Variants in LRRC69 observed in about 807,000 individuals in gnomAD.
The protein encoded by LRRC69 is leucine-rich repeat-containing protein 69.
A neutral mutation model predicts 37.8 loss-of-function variants in LRRC69; 42 were observed. The ratio of observed to expected loss-of-function variants is 1.11; its 90% CI spans 0.87 to 1.44. LRRC69 has a LOEUF of 1.44. Among genes scored for constraint, LRRC69 ranks in the 40% most tolerant of loss-of-function variants. The pLI, the probability that LRRC69 is intolerant of heterozygous loss-of-function variation, is 0.00. For synonymous variants in LRRC69, 141 were observed against 143.1 expected (o/e 0.99, Z 0.11); for missense variants, 357 against 401.9 (o/e 0.89, Z 0.96).
rs190578911 is a variant in LRRC69, at chr8:91,149,808, G to T, written c.651+14069G>T. On this transcript the variant is annotated intron_variant, in intron 5 of 7. Transcript: ENST00000448384. ...CTTGAAGAGGTCCTTCACGTCCCTT[G>T]TAAGTTGGATTCCTAGGTATTTTAT... Among the ~76,000 whole-genome samples the T allele has an allele frequency of 6.2e-4, 95 of 152,064 alleles. 1 individual carries two copies. The East Asian group carries it at 0.014, about 22-fold the overall frequency.
At chr8:91,137,218 C>T (rs1207453092) in intron 5 of LRRC69, among the ~76,000 whole-genome samples, 1 of 151,820 alleles carries the variant, frequency 6.6e-6, no homozygotes, top group Non-Finnish European at 1.5e-5. Context: ...GTTTTATTTA[C>T]CCTCTGTGTC....
intron 1 of LRRC69, among the ~76,000 whole-genome samples, chr8:91,123,600 G>A (rs937091308): frequency 6.6e-6 from 1 of 151,770 alleles, no homozygotes; most frequent in African/African-American, 2.4e-5. Context: ...TTGGTTTTAT[G>A]TAAATTCATT....
At chr8:91,176,335 T>G (rs1184456726) in intron 5 of LRRC69, among the ~76,000 whole-genome samples, 1 of 151,600 alleles carries the variant, frequency 6.6e-6, no homozygotes, top group Admixed American at 6.6e-5. Context: ...TTAGTAGAGA[T>G]GGGGTTTCAC....
At chr8:91,212,980 T>C (rs777384026) in intron 7 of LRRC69, among the ~76,000 whole-genome samples, 14 of 152,210 alleles carry the variant, frequency 9.2e-5, no homozygotes, top group Non-Finnish European at 2.1e-4. Context: ...AACTCTCCCT[T>C]TTGTTCTCAA....
chr8:91,160,114 A>G (rs1187184866), intron 5 of LRRC69, among the ~76,000 whole-genome samples: 1 of 150,752 alleles, frequency 6.6e-6, no homozygotes, highest in Non-Finnish European at 1.5e-5. Flanking sequence ...TTTTTGGATA[A>G]ATTTATTTTT....
At chr8:91,155,050 A>G (rs1475502449) in intron 5 of LRRC69, among the ~76,000 whole-genome samples, 4 of 151,610 alleles carry the variant, frequency 2.6e-5, no homozygotes, top group Admixed American at 6.6e-5. Flanking sequence ...TCAATGTGCA[A>G]AAAGTTACAA....
rs190300260 is a variant in LRRC69, at chr8:91,195,974, G to A, written c.754-4639G>A. Among the ~76,000 whole-genome samples the A allele has an allele frequency of 7.0e-4, 106 of 152,246 alleles. No homozygotes were observed. In the East Asian group the frequency reaches 0.017, roughly 24 times the overall value. On this transcript the variant is annotated intron_variant, in intron 6 of 7. Transcript: ENST00000448384. ...TTACATTTTGGCATGATTTTGCAGC[G>A]GCTGGTACCAGTTGTTCCTTTCCAT...
chr8:91,159,402 G>C (rs1241207899), intron 5 of LRRC69, among the ~76,000 whole-genome samples: 1 of 151,158 alleles, frequency 6.6e-6, no homozygotes, highest in Non-Finnish European at 1.5e-5. Context: ...TGTCACATAA[G>C]TAGAATTTCT....
At chr8:91,152,430 A>G (rs1056409372) in intron 5 of LRRC69, among the ~76,000 whole-genome samples, 2 of 151,544 alleles carry the variant, frequency 1.3e-5, no homozygotes, top group Non-Finnish European at 2.9e-5. Flanking sequence ...TGAAGATCAG[A>G]TGGTTGTAGA....
At chr8:91,111,684 A>G (rs986006321) in intron 1 of LRRC69, among the ~76,000 whole-genome samples, 2 of 151,990 alleles carry the variant, frequency 1.3e-5, no homozygotes, top group South Asian at 2.1e-4. Context: ...AATGATAAGA[A>G]CGCATGGACA....
At chr8:91,171,183 A>G (rs1335347871) in intron 5 of LRRC69, among the ~76,000 whole-genome samples, 3 of 152,036 alleles carry the variant, frequency 2.0e-5, no homozygotes, top group Non-Finnish European at 4.4e-5. Flanking sequence ...TATGTTCCTA[A>G]GGCTGAATCG....
intron 5 of LRRC69, among the ~76,000 whole-genome samples, chr8:91,169,025 A>G (rs758885327): frequency 6.6e-6 from 1 of 151,990 alleles, no homozygotes; most frequent in South Asian, 2.1e-4. Context: ...TTGACACTTC[A>G]TCAACAATTC....
At chr8:91,107,285 C>T (rs1337950465) in intron 1 of LRRC69, among the ~76,000 whole-genome samples, 1 of 151,682 alleles carries the variant, frequency 6.6e-6, no homozygotes, top group African/African-American at 2.4e-5. Flanking sequence ...CAGGCACCTG[C>T]CACCATGCCT....
Position 91,117,650 on chromosome 8 carries a change from T to C in LRRC69, c.184-6843T>C, listed in dbSNP as rs1021507180. On this transcript the variant is annotated intron_variant, in intron 1 of 7. Transcript: ENST00000448384. ...AATTCAATTGCACAAGTCCAGGATG[T>C]GGGATATCTGCTTGACAGTTAGCTT... Among the ~76,000 whole-genome samples, 7 of 149,566 alleles carry C rather than the reference T, an allele frequency of 4.7e-5. No homozygotes were observed. The East Asian group carries it at 1.2e-3, about 25-fold the overall frequency.
chr8:91,192,087 T>A (rs1450829446), intron 6 of LRRC69, among the ~76,000 whole-genome samples: 29 of 146,864 alleles, frequency 2.0e-4, no homozygotes, highest in African/African-American at 6.5e-4. Flanking sequence ...TGAGTGAGAA[T>A]ATGCGGTGTT....
At chr8:91,198,955 A>T (rs1809667505) in intron 6 of LRRC69, among the ~76,000 whole-genome samples, 2 of 152,204 alleles carry the variant, frequency 1.3e-5, no homozygotes, top group African/African-American at 4.8e-5. Flanking sequence ...GAAAAATATA[A>T]ATAATAGTTG....
intron 1 of LRRC69, among the ~76,000 whole-genome samples, chr8:91,114,369 A>T (rs1813469568): frequency 6.6e-6 from 1 of 152,004 alleles, no homozygotes; most frequent in Non-Finnish European, 1.5e-5. Context: ...TTGCAGCGTT[A>T]TTCACAATAG....
intron 5 of LRRC69, among the ~76,000 whole-genome samples, chr8:91,161,721 A>T (rs1047698826): frequency 6.6e-6 from 1 of 151,026 alleles, no homozygotes; most frequent in East Asian, 1.9e-4. Context: ...TATCTTTTCA[A>T]ACAACTTTTT....
At chr8:91,175,953 ATCTTT>A (rs1809216758) in intron 5 of LRRC69, among the ~76,000 whole-genome samples, 1 of 151,108 alleles carries the variant, frequency 6.6e-6, no homozygotes, top group East Asian at 1.9e-4. Flanking sequence ...CTTTTACTGA[ATCTTT>A]TCTTTTCTTT....
Sources: allele counts gnomAD v4.1 joint callset (sites outside exome capture counted in the v4.1 genomes callset), GRCh38; gene constraint gnomAD v4.1.1; transcripts MANE v1.5; gene names NCBI Gene and HGNC (gene_info 2026-07-23, HGNC 2026-07-21).